The following HEMGN variants were observed in gnomAD, a reference collection of about 807,000 sequenced individuals.
The protein encoded by HEMGN is erythroid differentiation-associated gene protein.
HEMGN carries 32 observed loss-of-function variants against 45.7 expected under a neutral mutation model. The observed-to-expected ratio is 0.70, with a 90% CI of 0.53 to 0.94. The LOEUF is 0.94. Ranked by LOEUF, HEMGN falls within the 40% of genes least tolerant of loss-of-function variation. The pLI is 0.00. For missense variants in HEMGN, 530 were observed against 564.2 expected, an observed-to-expected ratio of 0.94 and a Z score of 0.61; for synonymous variants, 183 against 178.6, an observed-to-expected ratio of 1.02 and a Z score of -0.20.
At position 97,930,349 on chromosome 9, in the gene HEMGN, G is replaced by T. The variant is rs1234481577; in HGVS notation, c.1046C>A (p.Ser349Tyr). Residue 349 changes from serine to tyrosine, a missense_variant, in exon 3 of 4, where the codon TCT (serine) becomes TAT (tyrosine). Physicochemically the swap from Ser to Tyr is moderately radical, Grantham distance 144. Coordinates refer to ENST00000616898, the MANE Select transcript of HEMGN (RefSeq NM_197978.3). Reference protein sequence around the residue: ...SHKTIQETPHSEDYSIEINQE... With the variant: ...SHKTIQETPHYEDYSIEINQE... ...GTTTATTTCAATTGAATAGTCTTCA[G>T]AATGAGGTGTTTCTTGGATTGTTTT... is the stretch of plus-strand genomic sequence containing the variant. 7.4e-6 allele frequency: 12 copies of T among 1,613,592 alleles called. No homozygotes were observed. The highest frequency in any genetic ancestry group is 1.7e-5 in the Admixed American group (1 of 59,880).
At chr9:97,936,764 T>C (rs1456721535) in intron 1 of HEMGN, among the ~76,000 whole-genome samples, 1 of 152,236 alleles carries the variant, frequency 6.6e-6, no homozygotes, top group East Asian at 1.9e-4. Context: ...CATAGTCTAG[T>C]TGATGTACTC....
chr9:97,933,684 C>A (rs1382098788), intron 2 of HEMGN, among the ~76,000 whole-genome samples: 1 of 152,164 alleles, frequency 6.6e-6, no homozygotes, highest in Non-Finnish European at 1.5e-5. Flanking sequence ...AGTAGGGGAG[C>A]CAGGCTACGA....
upstream of HEMGN, among the ~76,000 whole-genome samples, chr9:97,939,940 T>C (rs1412210190): frequency 1.3e-5 from 2 of 152,220 alleles, no homozygotes; most frequent in Non-Finnish European, 2.9e-5. Flanking sequence ...AATTTTGGAT[T>C]TTCAGATATG....
chr9:97,930,558 T>G lies in HEMGN; in HGVS notation c.837A>C (p.Ala279=). ...GYILDTDQNP[A]EPEEYNETDQ... is the part of the protein sequence containing the mutation. ...CTGTTTCATTGTATTCCTCTGGTTC[T>G]GCTGGATTTTGGTCTGTGTCAAGAA... The change falls in exon 3 of 4, where the codon GCA becomes GCC. Residue 279 remains alanine, a synonymous_variant. Coordinates refer to ENST00000616898, the MANE Select transcript of HEMGN (RefSeq NM_197978.3). The G allele has an allele frequency of 1.9e-6, 3 of 1,614,216 alleles. No homozygotes were observed. The highest frequency in any genetic ancestry group is 2.5e-6 in the Non-Finnish European group (3 of 1,180,024).
chr9:97,933,113 C>T (rs1019548596), intron 2 of HEMGN, among the ~76,000 whole-genome samples: 6 of 152,240 alleles, frequency 3.9e-5, no homozygotes, highest in African/African-American at 1.4e-4. Flanking sequence ...TCTGTACTCT[C>T]TCATGGTTGT....
At position 97,936,187 on chromosome 9, in the gene HEMGN, A is replaced by T. The variant is rs562872909; in HGVS notation, c.157T>A (p.Ser53Thr). The part of the protein sequence containing the change: ...RKAEVHEKET[S>T]QWLFGEQKKR... The stretch of plus-strand genomic sequence containing the variant: ...CTACCATACCCAAATAGCCATTGTG[A>T]TGTTTCCTTTTCATGCACTTCAGCT... The change falls in exon 2 of 4, where the codon TCA becomes ACA. Residue 53 changes from serine (S) to threonine (T), a missense_variant. By Grantham distance (58) the Ser-to-Thr change is moderately conservative. Transcript: ENST00000616898. 1.0e-4 allele frequency: 167 copies of T among 1,611,396 alleles called. No homozygotes were observed. The South Asian group carries it at 1.7e-3, about 17-fold the overall frequency.
At chr9:97,940,974 G>A (rs1299777460), upstream of HEMGN, among the ~76,000 whole-genome samples, 2 of 152,108 alleles carry the variant, frequency 1.3e-5, no homozygotes, top group African/African-American at 2.4e-5. Context: ...TGTGCCCAGC[G>A]CAGTCCTATG....
upstream of HEMGN, among the ~76,000 whole-genome samples, chr9:97,938,739 G>C (rs143601208): frequency 4.3e-4 from 65 of 152,178 alleles, no homozygotes; most frequent in African/African-American, 1.3e-3. Context: ...ACCTTAATCT[G>C]TTGCAAAATA....
chr9:97,937,863 T>A (rs2131557449), intron 1 of HEMGN, among the ~76,000 whole-genome samples, 195 bp downstream of exon 1: 1 of 152,280 alleles, frequency 6.6e-6, no homozygotes, highest in South Asian at 2.1e-4. Context: ...TTAGACCAAA[T>A]TTGTGCTGCC....
upstream of HEMGN, among the ~76,000 whole-genome samples, chr9:97,941,736 G>C (rs558053124): frequency 2.0e-4 from 30 of 152,254 alleles, no homozygotes; most frequent in African/African-American, 7.2e-4. Context: ...GTGCTAACAG[G>C]TTAGGGAGAA....
chr9:97,936,839 A>AT (rs1436675660), intron 1 of HEMGN, among the ~76,000 whole-genome samples: 8 of 152,288 alleles, frequency 5.3e-5, no homozygotes, highest in African/African-American at 1.4e-4. Flanking sequence ...TTTGCCTTGT[A>AT]TATCAAATTA....
upstream of HEMGN, chr9:97,938,508 G>T (rs1056072510): frequency 6.0e-6 from 1 of 167,406 alleles, no homozygotes; most frequent in Non-Finnish European, 1.3e-5. Flanking sequence ...GATGGAGGTA[G>T]CCTAGTGTAG....
At chr9:97,940,616 G>T (rs893222980), upstream of HEMGN, among the ~76,000 whole-genome samples, 1 of 152,150 alleles carries the variant, frequency 6.6e-6, no homozygotes, top group African/African-American at 2.4e-5. Flanking sequence ...TAGAAATTTA[G>T]TTAGAATTCT....
chr9:97,943,052 C>G (rs1361745078), upstream of HEMGN, among the ~76,000 whole-genome samples: 1 of 152,122 alleles, frequency 6.6e-6, no homozygotes, highest in Non-Finnish European at 1.5e-5. Flanking sequence ...GGCTGGGTAA[C>G]TTGGGGAAAA....
chr9:97,938,266 T>G (rs1396004677), upstream of HEMGN: 1 of 652,538 alleles, frequency 1.5e-6, no homozygotes, highest in Non-Finnish European at 2.7e-6. Context: ...TCACTTGACT[T>G]CCCGCCTAAA....
upstream of HEMGN, among the ~76,000 whole-genome samples, chr9:97,939,937 G>C (rs1827127680): frequency 6.6e-6 from 1 of 152,112 alleles, no homozygotes; most frequent in East Asian, 1.9e-4. Context: ...GAAAATTTTG[G>C]ATTTTCAGAT....
At chr9:97,929,998 G>T in intron 3 of HEMGN, 37 bp downstream of exon 3, 1 of 1,453,638 alleles carries the variant, frequency 6.9e-7, no homozygotes. Flanking sequence ...TACTCTGGGG[G>T]AGATGTACCT....
intron 3 of HEMGN, among the ~76,000 whole-genome samples, chr9:97,929,189 C>T (rs577043220): frequency 1.8e-4 from 27 of 152,234 alleles, no homozygotes; most frequent in Admixed American, 3.3e-4. Context: ...CAGCAGGGTA[C>T]TCCTGTCAGT....
In HEMGN at chr9:97,930,786, G is replaced by A; in HGVS notation, c.609C>T (p.Asn203=). 1 of 1,614,136 alleles carries A rather than the reference G, an allele frequency of 6.2e-7. No individual in the cohort carries two copies. Among genetic ancestry groups the A allele is most frequent in the Admixed American group, 1.7e-5 (1 of 60,024 alleles). Residue 203 remains asparagine, a synonymous_variant, in exon 3 of 4, where the codon AAC becomes AAT. Transcript: ENST00000616898. ...DMKEPEDNSP[N]TCQVISVIQD... ...GAATTACAGATATTACTTGGCATGTGTTAGGAGAGTTGTCTTCAGGTTCCT... is the reference window on the plus strand; with the variant it reads ...GAATTACAGATATTACTTGGCATGTATTAGGAGAGTTGTCTTCAGGTTCCT...
Sources: gnomAD v4.1 joint callset for allele counts (sites outside exome capture counted in the v4.1 genomes callset) on GRCh38, gnomAD v4.1.1 for gene constraint, MANE v1.5 for transcripts, NCBI Gene and HGNC (gene_info 2026-07-23, HGNC 2026-07-21) for gene names.